EVI5: variants seen among roughly 807,000 people sequenced by gnomAD.
EVI5 encodes the protein ecotropic viral integration site 5 protein homolog.
Under a neutral mutation model 112.0 loss-of-function variants are expected in EVI5, and 73 were observed. The ratio of observed to expected loss-of-function variants is 0.65; its 90% CI spans 0.54 to 0.79. The LOEUF (loss-of-function observed/expected upper bound fraction) is 0.79, where lower values mean the gene tolerates loss of function less well. Ranked by LOEUF, EVI5 falls within the 30% of genes least tolerant of loss-of-function variation. The pLI is 0.00. For synonymous variants in EVI5, 305 were observed against 319.9 expected, an observed-to-expected ratio of 0.95 and a Z score of 0.50; for missense variants, 900 against 968.8, an observed-to-expected ratio of 0.93 and a Z score of 0.94.
chr1:92,624,233 A>G lies in EVI5; in HGVS notation c.1770T>C (p.Ala590=). The part of the protein sequence containing the change: ...DELMTIRLRE[A]ETQAEIREIK... ...TTTCTCTTATTTCTGCTTGTGTTTC[A>G]GCTTCTCTAAGTCGAATGGTCATCA... is the stretch of plus-strand genomic sequence containing the variant. The change falls in exon 16 of 20, where the codon GCT becomes GCC. Residue 590 remains alanine (A), a synonymous_variant. Coordinates refer to ENST00000684568, the MANE Select transcript of EVI5 (RefSeq NM_001350197.2). 1.2e-6 allele frequency: 2 copies of G among 1,613,466 alleles called. No homozygotes were observed. Among genetic ancestry groups the G allele is most frequent in the East Asian group, 2.2e-5 (1 of 44,834 alleles).
intron 14 of EVI5, among the ~76,000 whole-genome samples, chr1:92,628,155 T>C (rs1656105091): frequency 6.6e-6 from 1 of 152,230 alleles, no homozygotes; most frequent in Non-Finnish European, 1.5e-5. Context: ...TCTATTCATG[T>C]CCTTAGCCCA....
chr1:92,637,041 T>C (rs538737640), intron 13 of EVI5, among the ~76,000 whole-genome samples: 2 of 152,258 alleles, frequency 1.3e-5, no homozygotes, highest in African/African-American at 4.8e-5. Context: ...CCTACAATAA[T>C]GTGAACCATC....
At chr1:92,587,204 G>C (rs995768664) in intron 18 of EVI5, among the ~76,000 whole-genome samples, 2 of 151,938 alleles carry the variant, frequency 1.3e-5, no homozygotes, top group African/African-American at 4.8e-5. Context: ...TAGCAAGCTA[G>C]GTAAAGCAGT....
chr1:92,561,839 T>C (rs1668683710), intron 19 of EVI5, among the ~76,000 whole-genome samples: 1 of 152,078 alleles, frequency 6.6e-6, no homozygotes, highest in Non-Finnish European at 1.5e-5. Flanking sequence ...GGTTTCACCA[T>C]GTTGGATGGG....
At chr1:92,735,740 AATC>A (rs869202278) in intron 2 of EVI5, among the ~76,000 whole-genome samples, 3,282 of 143,084 alleles carry the variant, frequency 0.023, 49 homozygotes, top group Middle Eastern at 0.044. Context: ...AATATAATAT[AATC>A]ATATTAAAAT....
intron 16 of EVI5, among the ~76,000 whole-genome samples, chr1:92,614,737 T>C (rs1257345652): frequency 2.0e-5 from 3 of 151,316 alleles, no homozygotes; most frequent in Non-Finnish European, 4.4e-5. Flanking sequence ...TTGTGGGATC[T>C]TGCGATCGTG....
At chr1:92,550,811 T>TAA (rs1666772933) in intron 19 of EVI5, among the ~76,000 whole-genome samples, 3 of 94,572 alleles carry the variant, frequency 3.2e-5, no homozygotes, top group African/African-American at 1.4e-4. Context: ...TATATATATA[T>TAA]ATAACAAAAA....
chr1:92,590,521 G>C (rs917633283), intron 18 of EVI5, among the ~76,000 whole-genome samples: 14 of 152,140 alleles, frequency 9.2e-5, no homozygotes, highest in African/African-American at 3.1e-4. Flanking sequence ...ATCAGCGATG[G>C]AATATCAAAT....
chr1:92,649,979 A>C (rs1042321691), intron 13 of EVI5, among the ~76,000 whole-genome samples: 2 of 152,214 alleles, frequency 1.3e-5, no homozygotes, highest in African/African-American at 4.8e-5. Flanking sequence ...CCTTGTGGAA[A>C]ACCAACTGGC....
chr1:92,709,648 G>A (rs1038623828), intron 2 of EVI5, among the ~76,000 whole-genome samples: 25 of 152,100 alleles, frequency 1.6e-4, no homozygotes, highest in East Asian at 9.6e-4. Context: ...TGAGAGAGTC[G>A]GAACATTTTG....
intron 6 of EVI5, among the ~76,000 whole-genome samples, chr1:92,695,981 G>A (rs1378512779): frequency 2.0e-5 from 3 of 151,306 alleles, no homozygotes; most frequent in Non-Finnish European, 4.4e-5. Context: ...CCCAGGCTAG[G>A]GTACAGTGGT....
At chr1:92,633,642 T>C (rs71619696) in intron 14 of EVI5, among the ~76,000 whole-genome samples, 178 of 152,358 alleles carry the variant, frequency 1.2e-3, no homozygotes, top group African/African-American at 4.1e-3. Flanking sequence ...CCAGTCTGTG[T>C]CTTTTAATTG....
chr1:92,669,567 G>A (rs1367438718), intron 10 of EVI5, among the ~76,000 whole-genome samples: 2 of 42,642 alleles, frequency 4.7e-5, no homozygotes, highest in African/African-American at 2.1e-4. Flanking sequence ...AAAAATCACT[G>A]GGAAATTCAT....
chr1:92,608,763 T>C (rs1366389334), intron 16 of EVI5, among the ~76,000 whole-genome samples: 19 of 151,940 alleles, frequency 1.3e-4, no homozygotes, highest in Admixed American at 1.2e-3. Context: ...GCTGTAAACT[T>C]GATGTCACAC....
At chr1:92,743,139 G>A (rs944304981) in intron 1 of EVI5, among the ~76,000 whole-genome samples, 6 of 152,204 alleles carry the variant, frequency 3.9e-5, no homozygotes, top group African/African-American at 1.2e-4. Flanking sequence ...GATCACCTGA[G>A]GTCAGGAGTT....
intron 13 of EVI5, among the ~76,000 whole-genome samples, chr1:92,638,353 ATTATT>A (rs2101930941): frequency 6.6e-6 from 1 of 152,238 alleles, no homozygotes; most frequent in East Asian, 1.9e-4. Flanking sequence ...TCTAAAACAT[ATTATT>A]TTAGTCTTCT....
At chr1:92,756,349 C>G (rs1570789921) in intron 1 of EVI5, 1 of 507,372 alleles carries the variant, frequency 2.0e-6, no homozygotes, top group East Asian at 5.5e-5. Context: ...ACTACACAGC[C>G]AAATATGCAG....
At chr1:92,712,467 G>A (rs915546615) in intron 2 of EVI5, among the ~76,000 whole-genome samples, 1 of 152,018 alleles carries the variant, frequency 6.6e-6, no homozygotes, top group African/African-American at 2.4e-5. Flanking sequence ...AACAAGCCTA[G>A]CCGACTTCAG....
At chr1:92,552,261 T>G (rs745949723) in intron 19 of EVI5, among the ~76,000 whole-genome samples, 1 of 152,042 alleles carries the variant, frequency 6.6e-6, no homozygotes, top group Non-Finnish European at 1.5e-5. Flanking sequence ...CAAAAGACCC[T>G]AAGAAATATA....
Sources: allele counts gnomAD v4.1 joint callset (sites outside exome capture counted in the v4.1 genomes callset), GRCh38; gene constraint gnomAD v4.1.1; transcripts MANE v1.5; gene names NCBI Gene and HGNC (gene_info 2026-07-23, HGNC 2026-07-21).